The following PTPN9 variants were observed in gnomAD, a reference collection of about 807,000 sequenced individuals.
PTPN9 encodes the protein tyrosine-protein phosphatase non-receptor type 9.
A neutral mutation model predicts 69.8 loss-of-function variants in PTPN9; 26 were observed. That is an observed-to-expected ratio of 0.37 (90% CI 0.27 to 0.52). PTPN9 has a LOEUF of 0.52. Among genes scored for constraint, PTPN9 ranks in the 20% least tolerant of loss-of-function variants. PTPN9 has a pLI of 0.91. For synonymous variants in PTPN9, 274 were observed against 272.5 expected (o/e 1.01, Z -0.05); for missense variants, 549 against 740.3 (o/e 0.74, Z 3.00).
chr15:75,503,265 G>A, intron 7 of PTPN9, among the ~76,000 whole-genome samples: 1 of 147,114 alleles, frequency 6.8e-6, no homozygotes, highest in Non-Finnish European at 1.5e-5. Flanking sequence ...CGTCTGAGAT[G>A]TGGGGAGCGC....
intron 1 of PTPN9, among the ~76,000 whole-genome samples, chr15:75,550,756 C>A (rs901623326): frequency 6.6e-6 from 1 of 151,768 alleles, no homozygotes; most frequent in Non-Finnish European, 1.5e-5. Context: ...TGCACTCCAA[C>A]CTGGGCAAAA....
At chr15:75,550,818 T>G (rs550268516) in intron 1 of PTPN9, among the ~76,000 whole-genome samples, 2 of 152,144 alleles carry the variant, frequency 1.3e-5, no homozygotes, top group African/African-American at 2.4e-5. Context: ...TAAAAAGTTT[T>G]TTTTTCTTTT....
At position 75,486,576 on chromosome 15, in the gene PTPN9, A is replaced by G. The variant is rs539329326; in HGVS notation, c.1062+3632T>C. ...CTGCATGTGGTATTTTTGTTACAGC[A>G]GCCCAAACAGATTAAGGCAGCCATG... On this transcript the variant is annotated intron_variant, in intron 8 of 12. Transcript: ENST00000618819. 1.2e-4 allele frequency among the ~76,000 whole-genome samples: 19 copies of G among 152,294 alleles called. No individual in the cohort carries two copies. The South Asian group carries it at 3.9e-3, about 32-fold the overall frequency.
Position 75,509,012 on chromosome 15 carries a change from G to C in PTPN9, c.544C>G (p.Arg182Gly). The C allele has an allele frequency of 6.2e-7, 1 of 1,613,892 alleles. No homozygotes were observed. The highest frequency in any genetic ancestry group is 8.5e-7 in the Non-Finnish European group (1 of 1,179,896). ...LNLLKGAFPA[R>G]LKKVLIVGAP... ...CCCACAATCAGCACCTTCTTCAAAC[G>C]AGCTGGAAATGCTCCCTGTGGAGAA... is the stretch of plus-strand genomic sequence containing the variant. The change falls in exon 6 of 13, where the codon CGT becomes GGT. Residue 182 changes from arginine (R) to glycine (G), a missense_variant. Physicochemically the swap from Arg to Gly is moderately radical, Grantham distance 125. Coordinates refer to ENST00000618819, the MANE Select transcript of PTPN9 (RefSeq NM_002833.4).
intron 9 of PTPN9, among the ~76,000 whole-genome samples, chr15:75,476,828 T>C (rs539262909): frequency 6.6e-6 from 1 of 152,314 alleles, no homozygotes; most frequent in Admixed American, 6.5e-5. Context: ...CTCAGCCTCA[T>C]CCACATCCTA....
chr15:75,517,399 G>T (rs755979371), intron 4 of PTPN9, 35 bp from the exon 5 acceptor site: 1 of 1,547,744 alleles, frequency 6.5e-7, no homozygotes, highest in African/African-American at 1.4e-5. Flanking sequence ...ACATTTGTAA[G>T]TAAGCAGATG....
chr15:75,568,869 G>A (rs912407710), intron 1 of PTPN9, among the ~76,000 whole-genome samples: 2 of 152,038 alleles, frequency 1.3e-5, no homozygotes, highest in Admixed American at 6.6e-5. Flanking sequence ...TGAACCAAAC[G>A]CTTAAGAAGC....
At chr15:75,535,618 C>T (rs2074979578) in intron 1 of PTPN9, among the ~76,000 whole-genome samples, 1 of 152,220 alleles carries the variant, frequency 6.6e-6, no homozygotes, top group Non-Finnish European at 1.5e-5. Context: ...AGATAAGATG[C>T]AATGTCTGGC....
At chr15:75,527,079 C>T (rs2074931545) in intron 2 of PTPN9, 39 bp downstream of exon 2, 8 of 1,612,476 alleles carry the variant, frequency 5.0e-6, no homozygotes, top group Non-Finnish European at 6.8e-6. Context: ...AACACTTAAC[C>T]CAACTGCCAC....
intron 1 of PTPN9, among the ~76,000 whole-genome samples, chr15:75,563,942 A>T (rs1403922420): frequency 1.3e-5 from 2 of 152,170 alleles, no homozygotes; most frequent in African/African-American, 4.8e-5. Flanking sequence ...CATTAACACG[A>T]TAAAGAATTG....
intron 9 of PTPN9, among the ~76,000 whole-genome samples, chr15:75,476,800 T>C (rs1321213085): frequency 6.6e-6 from 1 of 152,170 alleles, no homozygotes; most frequent in East Asian, 1.9e-4. Flanking sequence ...TAAGGACACC[T>C]TTTCCACATC....
In PTPN9 at chr15:75,473,712, G is replaced by A. The variant is rs2074580811; in HGVS notation, c.1185C>T (p.Val395=). The A allele has an allele frequency of 1.3e-6, 2 of 1,583,962 alleles. No homozygotes were observed. Among genetic ancestry groups the A allele is most frequent in the African/African-American group, 1.3e-5 (1 of 74,302 alleles). Residue 395 remains valine (V), a synonymous_variant, in exon 10 of 13, where the codon GTC becomes GTT. Coordinates refer to ENST00000618819, the MANE Select transcript of PTPN9 (RefSeq NM_002833.4). ...ACCGGGTGGTCATGACAATCACCAA[G>A]ACTTTTTGCTCCCATACCATGAGCC... is the stretch of plus-strand genomic sequence containing the variant. ...DFWLMVWEQK[V]LVIVMTTRFE... is the part of the protein sequence containing the mutation.
chr15:75,543,104 G>A (rs757917915), intron 1 of PTPN9, among the ~76,000 whole-genome samples: 5 of 147,128 alleles, frequency 3.4e-5, no homozygotes, highest in Admixed American at 7.1e-5. Flanking sequence ...GCAGTGTTTC[G>A]TTTTTTGTCC....
chr15:75,463,669 T>A lies in PTPN9; in HGVS notation c.*5100A>T, dbSNP rs577431931. 6.6e-6 allele frequency: 1 copy of A among 152,326 alleles called. No individual in the cohort carries two copies. The highest frequency in any genetic ancestry group is 6.5e-5 in the Admixed American group (1 of 15,296). The allele number at this position is 152,326 out of a possible 1,614,324, so 9.4% of individuals were successfully genotyped here. ...ACAGGTTTCAAGGTGCTAGATTTTTTTTCCCCCAAGAAAACATCTCCAAGT... is the reference window on the plus strand; with the variant it reads ...ACAGGTTTCAAGGTGCTAGATTTTTATTCCCCCAAGAAAACATCTCCAAGT... On this transcript the variant is annotated 3_prime_UTR_variant, in exon 13 of 13. Coordinates refer to ENST00000618819, the MANE Select transcript of PTPN9 (RefSeq NM_002833.4).
At chr15:75,482,437 C>T (rs1332987194) in intron 8 of PTPN9, among the ~76,000 whole-genome samples, 5 of 151,864 alleles carry the variant, frequency 3.3e-5, no homozygotes, top group African/African-American at 4.8e-5. Flanking sequence ...TGGTGGCGGG[C>T]GCCTGTAGTC....
chr15:75,500,491 T>G (rs1315515250), intron 7 of PTPN9, among the ~76,000 whole-genome samples: 2 of 151,872 alleles, frequency 1.3e-5, no homozygotes, highest in African/African-American at 4.8e-5. Flanking sequence ...TGGGCCGAAA[T>G]CATACCATTG....
At chr15:75,525,696 T>A (rs968458351) in intron 2 of PTPN9, among the ~76,000 whole-genome samples, 1 of 151,354 alleles carries the variant, frequency 6.6e-6, no homozygotes, top group African/African-American at 2.4e-5. Flanking sequence ...GGTGCGTGGA[T>A]CACTTGAGCT....
chr15:75,494,919 G>A (rs2074731219), intron 7 of PTPN9, among the ~76,000 whole-genome samples: 1 of 152,030 alleles, frequency 6.6e-6, no homozygotes, highest in South Asian at 2.1e-4. Context: ...AGCTACTCAG[G>A]AGGCTGAGGC....
chr15:75,481,863 G>A (rs1168253597), intron 8 of PTPN9, among the ~76,000 whole-genome samples: 5 of 143,212 alleles, frequency 3.5e-5, no homozygotes, highest in East Asian at 2.1e-4. Flanking sequence ...CTGGCCAGCC[G>A]CCCCTCCGGG....
Sources: gnomAD v4.1 joint callset for allele counts (sites outside exome capture counted in the v4.1 genomes callset) on GRCh38, gnomAD v4.1.1 for gene constraint, MANE v1.5 for transcripts, NCBI Gene and HGNC (gene_info 2026-07-23, HGNC 2026-07-21) for gene names.